PPP1R13B: variants seen among roughly 807,000 people sequenced by gnomAD.
PPP1R13B encodes the protein protein phosphatase 1 regulatory subunit 13B.
PPP1R13B carries 44 observed loss-of-function variants against 119.8 expected under a neutral mutation model. The observed-to-expected ratio is 0.37, with a 90% CI of 0.29 to 0.47. The LOEUF is 0.47. Among genes scored for constraint, PPP1R13B ranks in the 20% least tolerant of loss-of-function variants. The pLI is 0.99. For synonymous variants in PPP1R13B, 542 were observed against 561.5 expected, an observed-to-expected ratio of 0.97 and a Z score of 0.49; for missense variants, 1,227 against 1,413.5, an observed-to-expected ratio of 0.87 and a Z score of 2.12.
At chr14:103,814,644 A>T (rs993173555) in intron 1 of PPP1R13B, among the ~76,000 whole-genome samples, 7 of 151,478 alleles carry the variant, frequency 4.6e-5, no homozygotes, top group African/African-American at 1.5e-4. Context: ...ATCACTATTT[A>T]AAAAAAAACA....
intron 1 of PPP1R13B, among the ~76,000 whole-genome samples, chr14:103,817,114 C>G (rs960284014): frequency 6.6e-6 from 1 of 152,098 alleles, no homozygotes; most frequent in African/African-American, 2.4e-5. Context: ...ATTGCAAGTG[C>G]CTGGAGATTA....
chr14:103,738,852 C>T lies in PPP1R13B; in HGVS notation c.2730+34G>A. 1 of 1,613,482 alleles carries T rather than the reference C, an allele frequency of 6.2e-7. No homozygotes were observed. The highest frequency in any genetic ancestry group is 8.5e-7 in the Non-Finnish European group (1 of 1,179,496). ...CTGTGAGCGCCCATCCCCTCGCCCC[C>T]AGCAGCGTGCACTGGTCCCCGGCTG... On this transcript the variant is annotated intron_variant, in intron 13 of 16. Transcript: ENST00000202556. This position sits in a 1 kb window ranked among gnomAD's most constrained non-coding sequence, Gnocchi z 5.6.
Position 103,733,587 on chromosome 14 carries a change from C to G in PPP1R13B, c.*1567G>C, listed in dbSNP as rs993123757. 6.5e-6 allele frequency: 1 copy of G among 153,170 alleles called. No homozygotes were observed. The highest frequency in any genetic ancestry group is 2.4e-5 in the African/African-American group (1 of 41,442). 9.5% of individuals were successfully genotyped at this position (153,170 alleles called of 1,614,324 possible). A position where few individuals can be genotyped will look rare whatever the true frequency, so the allele number is the denominator to read the frequency against. ...GGGGCTTTGTGTTTTGTACTTTTCA[C>G]TCACTATTTCACTTTATTAAGATGA... On this transcript the variant is annotated 3_prime_UTR_variant, in exon 17 of 17. Transcript: ENST00000202556.
intron 4 of PPP1R13B, among the ~76,000 whole-genome samples, chr14:103,767,885 G>A (rs997663368): frequency 6.6e-6 from 1 of 151,880 alleles, no homozygotes; most frequent in Non-Finnish European, 1.5e-5. Context: ...CTTTATTTTG[G>A]TGCCTTATTC....
rs1413766909 is a variant in PPP1R13B at position 103,738,861 on chromosome 14, G to T, written c.2730+25C>A. 6.2e-7 allele frequency: 1 copy of T among 1,613,040 alleles called. No individual in the cohort carries two copies. The highest frequency in any genetic ancestry group is 1.3e-5 in the African/African-American group (1 of 74,912). On this transcript the variant is annotated intron_variant, in intron 13 of 16. Coordinates refer to ENST00000202556, the MANE Select transcript of PPP1R13B (RefSeq NM_015316.3). This position sits in a 1 kb window ranked among gnomAD's most constrained non-coding sequence, Gnocchi z 5.6. ...CCCATCCCCTCGCCCCCAGCAGCGTGCACTGGTCCCCGGCTGCAGCTCACC... is the reference window on the plus strand; with the variant it reads ...CCCATCCCCTCGCCCCCAGCAGCGTTCACTGGTCCCCGGCTGCAGCTCACC...
At chr14:103,741,101 C>G (rs1479006241) in intron 11 of PPP1R13B, among the ~76,000 whole-genome samples, 1 of 152,236 alleles carries the variant, frequency 6.6e-6, no homozygotes, top group African/African-American at 2.4e-5. Context: ...CCTGGGAGGT[C>G]CCTGTGCAGG....
chr14:103,820,343 G>A (rs2086378159), intron 1 of PPP1R13B, among the ~76,000 whole-genome samples: 2 of 151,662 alleles, frequency 1.3e-5, no homozygotes, highest in Admixed American at 1.3e-4. Context: ...CTTTCCTTTT[G>A]TTTTATCATC....
intron 1 of PPP1R13B, among the ~76,000 whole-genome samples, chr14:103,827,979 TA>T (rs2086588876): frequency 6.6e-6 from 1 of 152,172 alleles, no homozygotes; most frequent in Non-Finnish European, 1.5e-5. Context: ...GAGTGATTTT[TA>T]AGAGTTTGTT....
At position 103,738,912 on chromosome 14, in the gene PPP1R13B, C is replaced by T. The variant is rs779044117; in HGVS notation, c.2704G>A (p.Asp902Asn). ...LLDASLEGEF[D>N]LVQRIIYEVE... ...TCATAGATGATCCTCTGCACCAGAT[C>T]GAACTCTCCTTCCAGAGACGCGTCT... Residue 902 changes from aspartate to asparagine, a missense_variant, in exon 13 of 17, where the codon GAT (aspartate) becomes AAT (asparagine). Asp to Asn is a conservative substitution (Grantham distance 23). Transcript: ENST00000202556. This position sits in a 1 kb window ranked among gnomAD's most constrained non-coding sequence, Gnocchi z 5.6. The T allele has an allele frequency of 5.0e-6, 8 of 1,614,004 alleles. No homozygotes were observed. Among genetic ancestry groups the T allele is most frequent in the Middle Eastern group, 1.7e-4 (1 of 6,060 alleles).
chr14:103,798,037 TG>T (rs2085801309), intron 1 of PPP1R13B, among the ~76,000 whole-genome samples: 1 of 152,090 alleles, frequency 6.6e-6, no homozygotes, highest in South Asian at 2.1e-4. Context: ...GAATAAAACC[TG>T]GGTATATTCC....
chr14:103,734,426 A>G lies in PPP1R13B; in HGVS notation c.*728T>C, dbSNP rs190829235. The stretch of plus-strand genomic sequence containing the variant: ...AGGGGTGAGAACCACACTGAGCAGC[A>G]TGACAGGCTGTGAGATCGGAGGAGA... On this transcript the variant is annotated 3_prime_UTR_variant, in exon 17 of 17. Coordinates refer to ENST00000202556, the MANE Select transcript of PPP1R13B (RefSeq NM_015316.3). The G allele has an allele frequency of 2.3e-6, 1 of 434,192 alleles. No individual in the cohort carries two copies. The highest frequency in any genetic ancestry group is 7.1e-5 in the East Asian group (1 of 14,182). The allele number at this position is 434,192 out of a possible 1,614,324, so 26.9% of individuals were successfully genotyped here.
intron 1 of PPP1R13B, among the ~76,000 whole-genome samples, chr14:103,845,597 G>A (rs2087010686): frequency 6.6e-6 from 1 of 152,176 alleles, no homozygotes; most frequent in Non-Finnish European, 1.5e-5. Context: ...CCGTGGAATA[G>A]AGGTAAGATG....
chr14:103,784,784 C>A lies in PPP1R13B; in HGVS notation c.277+11G>T, dbSNP rs961411112. 1.9e-6 allele frequency: 3 copies of A among 1,554,352 alleles called. No homozygotes were observed. Among genetic ancestry groups the A allele is most frequent in the South Asian group, 2.4e-5 (2 of 83,364 alleles). On this transcript the variant is annotated intron_variant, in intron 3 of 16. Transcript: ENST00000202556. ...AAAAATTAACAAATGAGGAAGAAAGCAGTTATCTACCTTGTTCACTGTTCT... is the reference window on the plus strand; with the variant it reads ...AAAAATTAACAAATGAGGAAGAAAGAAGTTATCTACCTTGTTCACTGTTCT...
At chr14:103,779,108 G>C (rs531470812) in intron 3 of PPP1R13B, among the ~76,000 whole-genome samples, 1 of 152,048 alleles carries the variant, frequency 6.6e-6, no homozygotes, top group South Asian at 2.1e-4. Flanking sequence ...AGCAACATGG[G>C]GAGACTTTGT....
upstream of PPP1R13B, chr14:103,847,578 G>A (rs912565226): frequency 8.1e-6 from 8 of 984,590 alleles, no homozygotes; most frequent in South Asian, 4.5e-5. Flanking sequence ...GACAGCCTGC[G>A]GCCCGCCCGC....
At chr14:103,750,659 T>A (rs1420416350) in intron 7 of PPP1R13B, among the ~76,000 whole-genome samples, 1 of 150,612 alleles carries the variant, frequency 6.6e-6, no homozygotes, top group African/African-American at 2.4e-5. Flanking sequence ...GGTAAAACCC[T>A]GTCTCTACTA....
rs1017783612 is a variant in PPP1R13B at position 103,771,545 on chromosome 14, A to C, written c.354+7200T>G. Among the ~76,000 whole-genome samples, 3 of 128,764 alleles carry C rather than the reference A, an allele frequency of 2.3e-5. No individual in the cohort carries two copies. The East Asian group carries it at 7.0e-4, about 30-fold the overall frequency. 84.5% of individuals were successfully genotyped at this position (128,764 alleles called of 152,430 possible). ...CCCCAGGCTGGAGTGCGATGGCGTG[A>C]TCTCAGCTCACTGCAACCTCCGCCC... On this transcript the variant is annotated intron_variant, in intron 4 of 16. Coordinates refer to ENST00000202556, the MANE Select transcript of PPP1R13B (RefSeq NM_015316.3).
chr14:103,795,359 T>C (rs866394087), intron 2 of PPP1R13B, among the ~76,000 whole-genome samples: 8 of 152,210 alleles, frequency 5.3e-5, no homozygotes, highest in African/African-American at 1.7e-4. Context: ...TCCTAGGGAT[T>C]GTTCTAGACA....
intron 1 of PPP1R13B, among the ~76,000 whole-genome samples, chr14:103,843,035 G>A (rs778582474): frequency 3.9e-5 from 6 of 152,000 alleles, no homozygotes; most frequent in Non-Finnish European, 5.9e-5. Context: ...ATCTATGCAC[G>A]AAAAGTTTTA....
Sources: gnomAD v4.1 joint callset for allele counts (sites outside exome capture counted in the v4.1 genomes callset) on GRCh38, gnomAD v4.1.1 for gene constraint, Gnocchi (gnomAD v3.1) non-coding constraint, MANE v1.5 for transcripts, NCBI Gene and HGNC (gene_info 2026-07-23, HGNC 2026-07-21) for gene names.